Variants in SGTB observed in about 807,000 individuals in gnomAD.
SGTB encodes the protein small glutamine-rich tetratricopeptide repeat-containing protein beta.
SGTB carries 19 observed loss-of-function variants against 43.9 expected under a neutral mutation model. The ratio of observed to expected loss-of-function variants is 0.43; its 90% CI spans 0.30 to 0.63. SGTB has a LOEUF of 0.63. Ranked by LOEUF, SGTB falls within the 30% of genes least tolerant of loss-of-function variation. The pLI is 0.12. For missense variants in SGTB, 304 were observed against 358.9 expected (o/e 0.85, Z 1.24); for synonymous variants, 116 against 117.3 (o/e 0.99, Z 0.07).
Position 65,670,170 on chromosome 5 carries a change from G to T in SGTB, c.*76C>A. On this transcript the variant is annotated 3_prime_UTR_variant, in exon 11 of 11. Coordinates refer to ENST00000381007, the MANE Select transcript of SGTB (RefSeq NM_019072.3). ...GGTGTTTGGTTTTTTGAAGGAGGGAGGGGGTACTATCTACAACAAATACTT... is the reference window on the plus strand; with the variant it reads ...GGTGTTTGGTTTTTTGAAGGAGGGATGGGGTACTATCTACAACAAATACTT... 1.6e-6 allele frequency: 2 copies of T among 1,281,628 alleles called. No individual in the cohort carries two copies. The highest frequency in any genetic ancestry group is 2.2e-6 in the Non-Finnish European group (2 of 900,240). The allele number at this position is 1,281,628 out of a possible 1,614,324, so 79.4% of individuals were successfully genotyped here.
At chr5:65,675,001 T>G (rs993911340) in intron 8 of SGTB, among the ~76,000 whole-genome samples, 4 of 152,202 alleles carry the variant, frequency 2.6e-5, no homozygotes, top group Non-Finnish European at 4.4e-5. Context: ...AAGACACATT[T>G]TTTGAAGGAA....
intron 2 of SGTB, among the ~76,000 whole-genome samples, chr5:65,716,292 A>G (rs1416649912): frequency 6.6e-6 from 1 of 152,254 alleles, no homozygotes; most frequent in Non-Finnish European, 1.5e-5. Context: ...GTAGGTGAAC[A>G]ATATGTCACA....
chr5:65,714,812 C>T (rs972540159), intron 2 of SGTB, among the ~76,000 whole-genome samples: 2 of 152,136 alleles, frequency 1.3e-5, no homozygotes, highest in Admixed American at 6.5e-5. Flanking sequence ...GAGACTCTGT[C>T]TTCAAAAACC....
At chr5:65,689,127 T>C (rs1399194157) in intron 5 of SGTB, among the ~76,000 whole-genome samples, 1 of 152,222 alleles carries the variant, frequency 6.6e-6, no homozygotes, top group Non-Finnish European at 1.5e-5. Flanking sequence ...TGTATTTCTT[T>C]GTTTAGTTAA....
chr5:65,711,057 C>A (rs574233718), intron 3 of SGTB, among the ~76,000 whole-genome samples: 1 of 150,848 alleles, frequency 6.6e-6, no homozygotes, highest in Non-Finnish European at 1.5e-5. Context: ...CCCAGCTACT[C>A]GGGAGGCTAA....
Position 65,720,902 on chromosome 5 carries a change from G to A in SGTB, c.-22-73C>T, listed in dbSNP as rs928628851. 3.6e-5 allele frequency: 52 copies of A among 1,455,470 alleles called. No homozygotes were observed. In the Middle Eastern group the frequency reaches 1.5e-3, roughly 42 times the overall value. 90.2% of individuals were successfully genotyped at this position (1,455,470 alleles called of 1,614,324 possible). On this transcript the variant is annotated intron_variant, in intron 1 of 10. Coordinates refer to ENST00000381007, the MANE Select transcript of SGTB (RefSeq NM_019072.3). Reference sequence around the variant, plus strand: ...AGTCAGGAAAGTCATAAATTACAAAGATGATATGGGTTATAAAGTGTATTA... The same window carrying A: ...AGTCAGGAAAGTCATAAATTACAAAAATGATATGGGTTATAAAGTGTATTA...
intron 8 of SGTB, among the ~76,000 whole-genome samples, chr5:65,673,536 G>A (rs891009514): frequency 5.9e-5 from 9 of 152,162 alleles, no homozygotes; most frequent in Non-Finnish European, 1.2e-4. Flanking sequence ...CTCCTCAAGA[G>A]AATCTAACGC....
At position 65,668,758 on chromosome 5, in the gene SGTB, A is replaced by AT. The variant is rs1757093631; in HGVS notation, c.*1487dup. On this transcript the variant is annotated 3_prime_UTR_variant, in exon 11 of 11. Coordinates refer to ENST00000381007, the MANE Select transcript of SGTB (RefSeq NM_019072.3). ...CCATCTCAAGAAAAAAAAAAAAAAA[A>AT]TTAGCTGGGCGTGGTGGTGGGCGCC... is the stretch of plus-strand genomic sequence containing the variant. The AT allele has an allele frequency of 1.3e-5, 2 of 150,750 alleles. No homozygotes were observed. Among genetic ancestry groups the AT allele is most frequent in the Non-Finnish European group, 3.0e-5 (2 of 67,670 alleles). 9.3% of individuals were successfully genotyped at this position (150,750 alleles called of 1,614,324 possible). A position where few individuals can be genotyped will look rare whatever the true frequency, so the allele number is the denominator to read the frequency against.
chr5:65,722,231 T>C (rs1170540475), upstream of SGTB: 7 of 449,480 alleles, frequency 1.6e-5, no homozygotes, highest in South Asian at 2.0e-4. Flanking sequence ...CTGCCGCACG[T>C]GGGAGGGCGC....
intron 5 of SGTB, among the ~76,000 whole-genome samples, chr5:65,691,799 C>G (rs547123213): frequency 5.2e-4 from 78 of 151,408 alleles, no homozygotes; most frequent in African/African-American, 1.9e-3. Context: ...GGCGTGGTGG[C>G]GGGCGCCTGT....
chr5:65,709,920 C>T (rs1329061113), intron 3 of SGTB, among the ~76,000 whole-genome samples: 1 of 152,130 alleles, frequency 6.6e-6, no homozygotes, highest in African/African-American at 2.4e-5. Flanking sequence ...TAGTATATAT[C>T]CATCATTACC....
At chr5:65,675,674 A>G (rs1431068202) in intron 8 of SGTB, among the ~76,000 whole-genome samples, 2 of 152,180 alleles carry the variant, frequency 1.3e-5, no homozygotes, top group African/African-American at 4.8e-5. Flanking sequence ...AAGCCAGAAG[A>G]GATTGGGGGC....
intron 8 of SGTB, among the ~76,000 whole-genome samples, chr5:65,673,644 C>T (rs183163976): frequency 5.2e-4 from 75 of 144,942 alleles, no homozygotes; most frequent in Non-Finnish European, 9.7e-4. Flanking sequence ...GGTTGGGGAC[C>T]GCTGTCCTAT....
chr5:65,676,058 A>G (rs1757258951), intron 8 of SGTB, among the ~76,000 whole-genome samples: 2 of 152,158 alleles, frequency 1.3e-5, no homozygotes, highest in Non-Finnish European at 2.9e-5. Flanking sequence ...CAGATAAAAA[A>G]ACAAGACCCA....
At chr5:65,670,424 A>G in intron 10 of SGTB, 67 bp from the exon 11 acceptor site, 2 of 1,343,432 alleles carry the variant, frequency 1.5e-6, no homozygotes, top group Non-Finnish European at 2.1e-6. Context: ...GCAAAAAGAA[A>G]TGCAGAAAAT....
intron 1 of SGTB, among the ~76,000 whole-genome samples, chr5:65,721,636 G>A (rs1758282794): frequency 6.6e-6 from 1 of 152,178 alleles, no homozygotes; most frequent in Non-Finnish European, 1.5e-5. Flanking sequence ...TATTTGTGTA[G>A]TTATTTTAAA....
chr5:65,714,796 C>G (rs1391211422), intron 2 of SGTB, among the ~76,000 whole-genome samples: 1 of 152,180 alleles, frequency 6.6e-6, no homozygotes, highest in African/African-American at 2.4e-5. Flanking sequence ...GCCTGGGCGA[C>G]AGAGCGAGAC....
rs570918333 is a variant in SGTB, at chr5:65,720,632, A to G, written c.100+76T>C. 81 of 1,527,992 alleles carry G rather than the reference A, an allele frequency of 5.3e-5. No homozygotes were observed. In the African/African-American group the frequency reaches 1.1e-3, roughly 21 times the overall value. 94.7% of individuals were successfully genotyped at this position (1,527,992 alleles called of 1,614,324 possible). ...AATTCTGATTATGTTACAATAGATCATCAAGTTGGGCTTACAGCTATTTTA... is the reference window on the plus strand; with the variant it reads ...AATTCTGATTATGTTACAATAGATCGTCAAGTTGGGCTTACAGCTATTTTA... On this transcript the variant is annotated intron_variant, in intron 2 of 10. Coordinates refer to ENST00000381007, the MANE Select transcript of SGTB (RefSeq NM_019072.3).
intron 1 of SGTB, 115 bp from the exon 2 acceptor site, chr5:65,720,944 AC>A (rs1758260860): frequency 9.5e-7 from 1 of 1,055,656 alleles, no homozygotes; most frequent in Admixed American, 3.2e-5. Flanking sequence ...AAAACAAAAC[AC>A]AAAACTGTAT....
Sources: gnomAD v4.1 joint callset for allele counts (sites outside exome capture counted in the v4.1 genomes callset) on GRCh38, gnomAD v4.1.1 for gene constraint, MANE v1.5 for transcripts, NCBI Gene and HGNC (gene_info 2026-07-23, HGNC 2026-07-21) for gene names.